Variants in MACROD2 observed in about 807,000 individuals in gnomAD.
MACROD2 encodes ADP-ribose glycohydrolase MACROD2.
Under a neutral mutation model 70.4 loss-of-function variants are expected in MACROD2, and 36 were observed. That is an observed-to-expected ratio of 0.51 (90% CI 0.39 to 0.68). The LOEUF (loss-of-function observed/expected upper bound fraction) is 0.68, where lower values mean the gene tolerates loss of function less well. Ranked by LOEUF, MACROD2 falls within the 30% of genes least tolerant of loss-of-function variation. The probability of loss-of-function intolerance (pLI) is 0.00; values close to 1 mark genes in which losing one functional copy is unlikely to be tolerated. For missense variants in MACROD2, 496 were observed against 538.4 expected, an observed-to-expected ratio of 0.92 and a Z score of 0.78; for synonymous variants, 172 against 178.8, an observed-to-expected ratio of 0.96 and a Z score of 0.30.
chr20:15,408,427 A>G (rs2046033007), intron 6 of MACROD2, among the ~76,000 whole-genome samples: 1 of 152,208 alleles, frequency 6.6e-6, no homozygotes, highest in African/African-American at 2.4e-5. Context: ...AATAAAATAA[A>G]AATGCATGTT....
chr20:15,070,930 A>G (rs1422782162), intron 5 of MACROD2, among the ~76,000 whole-genome samples: 1 of 151,932 alleles, frequency 6.6e-6, no homozygotes, highest in African/African-American at 2.4e-5. Flanking sequence ...AAAAACCCAA[A>G]AAAGTCTTAA....
chr20:15,397,706 G>A (rs955085742), intron 6 of MACROD2, among the ~76,000 whole-genome samples: 6 of 152,268 alleles, frequency 3.9e-5, no homozygotes, highest in South Asian at 2.1e-4. Context: ...TGAGATATAG[G>A]AATCTGATAG....
intron 8 of MACROD2, among the ~76,000 whole-genome samples, chr20:15,851,960 A>AT (rs953941526): frequency 5.3e-5 from 8 of 152,124 alleles, no homozygotes; most frequent in African/African-American, 1.7e-4. Context: ...AAGAAAGCCC[A>AT]TTTTTTATCT....
chr20:15,936,840 G>A lies in MACROD2; in HGVS notation c.839-636G>A, dbSNP rs1032549168. ...AGTCACTAGGGGCTGATGACACTGA[G>A]GAGAGAAAGGTCTACTCTAATGTAG... On this transcript the variant is annotated intron_variant, in intron 11 of 17. Coordinates refer to ENST00000684519, the MANE Select transcript of MACROD2 (RefSeq NM_001351661.2). Among the ~76,000 whole-genome samples, 5 of 152,118 alleles carry A rather than the reference G, an allele frequency of 3.3e-5. 1 individual carries two copies. The highest frequency in any genetic ancestry group is 3.3e-4 in the Admixed American group (5 of 15,262).
At chr20:15,188,246 C>T (rs981269473) in intron 5 of MACROD2, among the ~76,000 whole-genome samples, 3 of 152,108 alleles carry the variant, frequency 2.0e-5, no homozygotes, top group African/African-American at 7.2e-5. Context: ...GTTTATTTTC[C>T]TTCACCTCCC....
intron 2 of MACROD2, among the ~76,000 whole-genome samples, chr20:14,060,920 T>C (rs1416770291): frequency 6.6e-6 from 1 of 152,148 alleles, no homozygotes; most frequent in Non-Finnish European, 1.5e-5. Flanking sequence ...TATTCAAGCT[T>C]TATGTCCTTA....
chr20:15,181,672 T>TG (rs1182063283), intron 5 of MACROD2, among the ~76,000 whole-genome samples: 4 of 152,214 alleles, frequency 2.6e-5, no homozygotes, highest in Non-Finnish European at 4.4e-5. Context: ...TTACTATAGA[T>TG]GGTGTTCCTT....
intron 6 of MACROD2, 40 bp downstream of exon 6, chr20:15,230,101 A>G (rs773607976): frequency 1.5e-5 from 23 of 1,585,462 alleles, no homozygotes; most frequent in East Asian, 4.5e-5. Context: ...CTCTTTTTCA[A>G]CCTTTATGCT....
At chr20:16,041,152 C>A in intron 15 of MACROD2, 49 bp from the exon 16 acceptor site, 1 of 1,491,798 alleles carries the variant, frequency 6.7e-7, no homozygotes, top group Non-Finnish European at 9.3e-7. Context: ...GGCCCTCAGG[C>A]TGTTATAATT....
Position 15,572,958 on chromosome 20 carries a change from C to G in MACROD2, c.645+73111C>G, listed in dbSNP as rs543975767. Among the ~76,000 whole-genome samples the G allele has an allele frequency of 9.2e-5, 14 of 152,160 alleles. No homozygotes were observed. In the South Asian group the frequency reaches 2.9e-3, roughly 32 times the overall value. On this transcript the variant is annotated intron_variant, in intron 8 of 17. Transcript: ENST00000684519. Reference sequence around the variant, plus strand: ...ACATTACCTTATTACAAAATAGAACCAATAATATTTGTATTACCAATAAAT... The same window carrying G: ...ACATTACCTTATTACAAAATAGAACGAATAATATTTGTATTACCAATAAAT...
chr20:15,922,845 C>G (rs1263770584), intron 10 of MACROD2, among the ~76,000 whole-genome samples: 2 of 152,220 alleles, frequency 1.3e-5, no homozygotes, highest in Non-Finnish European at 2.9e-5. Context: ...ATGTCCAGAA[C>G]AGAGGGAGCT....
intron 7 of MACROD2, among the ~76,000 whole-genome samples, chr20:15,494,249 G>A (rs1226886892): frequency 6.6e-6 from 1 of 151,920 alleles, no homozygotes; most frequent in African/African-American, 2.4e-5. Flanking sequence ...AGTGTTATTG[G>A]CACAGCTGCT....
intron 8 of MACROD2, among the ~76,000 whole-genome samples, chr20:15,688,935 C>T (rs1489197325): frequency 2.6e-5 from 4 of 152,168 alleles, no homozygotes; most frequent in Admixed American, 2.6e-4. Context: ...GATGTGTTGT[C>T]GTGGATAACA....
chr20:15,854,590 G>C (rs555798476), intron 8 of MACROD2, among the ~76,000 whole-genome samples: 2 of 152,150 alleles, frequency 1.3e-5, no homozygotes, highest in Non-Finnish European at 2.9e-5. Context: ...AGATAATAAA[G>C]TGTTGTTGTT....
intron 4 of MACROD2, among the ~76,000 whole-genome samples, chr20:14,677,068 G>A (rs564746282): frequency 3.3e-5 from 5 of 152,008 alleles, no homozygotes; most frequent in African/African-American, 4.8e-5. Context: ...ATACGTTTCT[G>A]CTCAATGCTT....
At chr20:14,557,714 A>G (rs1979130584) in intron 4 of MACROD2, among the ~76,000 whole-genome samples, 1 of 151,820 alleles carries the variant, frequency 6.6e-6, no homozygotes, top group Non-Finnish European at 1.5e-5. Context: ...ACCAAAAAAG[A>G]CAGATAATAA....
chr20:15,234,316 G>A lies in MACROD2; in HGVS notation c.540+4255G>A, dbSNP rs1259702109. Among the ~76,000 whole-genome samples the A allele has an allele frequency of 3.3e-5, 5 of 151,488 alleles. No individual in the cohort carries two copies. In the East Asian group the frequency reaches 9.7e-4, roughly 30 times the overall value. On this transcript the variant is annotated intron_variant, in intron 6 of 17. Coordinates refer to ENST00000684519, the MANE Select transcript of MACROD2 (RefSeq NM_001351661.2). ...CAAAGTGCTGGGATTACAAGCGTGA[G>A]CCACCGCGCCCGGCCTATATATATA...
At chr20:14,863,424 G>A (rs1357874812) in intron 5 of MACROD2, among the ~76,000 whole-genome samples, 1 of 152,102 alleles carries the variant, frequency 6.6e-6, no homozygotes, top group Non-Finnish European at 1.5e-5. Flanking sequence ...ATTCTTACAG[G>A]TGTTGTGAAC....
At chr20:15,167,151 A>G (rs999617672) in intron 5 of MACROD2, among the ~76,000 whole-genome samples, 21 of 152,258 alleles carry the variant, frequency 1.4e-4, no homozygotes, top group African/African-American at 4.8e-4. Flanking sequence ...CAAAAAATAC[A>G]TTGAGTTTCT....
Sources: gnomAD v4.1 joint callset for allele counts (sites outside exome capture counted in the v4.1 genomes callset) on GRCh38, gnomAD v4.1.1 for gene constraint, MANE v1.5 for transcripts, NCBI Gene and HGNC (gene_info 2026-07-23, HGNC 2026-07-21) for gene names.